CAMSAP2: variants seen among roughly 807,000 people sequenced by gnomAD.
CAMSAP2 encodes the protein calmodulin regulated spectrin associated protein family member 2, also known as calmodulin-regulated spectrin-associated protein 2.
Under a neutral mutation model 146.1 loss-of-function variants are expected in CAMSAP2, and 26 were observed. The observed-to-expected ratio is 0.18, with a 90% CI of 0.13 to 0.25. The LOEUF (loss-of-function observed/expected upper bound fraction) is 0.25. Among genes scored for constraint, CAMSAP2 ranks in the 10% least tolerant of loss-of-function variants. The pLI is 1.00. For missense variants in CAMSAP2, 1,381 were observed against 1,759.3 expected (o/e 0.78, Z 3.85); for synonymous variants, 499 against 596.6 (o/e 0.84, Z 2.38).
At chr1:200,759,631 A>G (rs534200644) in intron 1 of CAMSAP2, among the ~76,000 whole-genome samples, 8 of 152,192 alleles carry the variant, frequency 5.3e-5, no homozygotes, top group Non-Finnish European at 1.0e-4. Flanking sequence ...TTGAGCTTAT[A>G]TTAAAGCTGC....
intron 8 of CAMSAP2, 46 bp downstream of exon 8, chr1:200,844,915 C>G (rs778768347): frequency 9.9e-7 from 1 of 1,006,438 alleles, no homozygotes; most frequent in Non-Finnish European, 1.5e-6. Flanking sequence ...ATTCTATTTA[C>G]TAATTAAATT....
At chr1:200,835,940 A>G (rs1279306372) in intron 6 of CAMSAP2, among the ~76,000 whole-genome samples, 13 of 152,202 alleles carry the variant, frequency 8.5e-5, no homozygotes, top group Non-Finnish European at 1.5e-5. Flanking sequence ...TGATGTTTAT[A>G]TCAACTTTGT....
intron 11 of CAMSAP2, among the ~76,000 whole-genome samples, chr1:200,850,642 A>G (rs148519773): frequency 9.8e-5 from 15 of 152,312 alleles, no homozygotes; most frequent in Non-Finnish European, 1.8e-4. Context: ...TGTTCCTTGC[A>G]GAGGAAGGGA....
At chr1:200,847,765 A>T (rs1558207372) in intron 10 of CAMSAP2, 56 bp downstream of exon 10, 1 of 1,393,672 alleles carries the variant, frequency 7.2e-7, no homozygotes, top group East Asian at 2.3e-5. Context: ...TGCAAATTGC[A>T]TCTGTGTCTC....
In CAMSAP2 at chr1:200,858,237, CAATT is replaced by C. The variant is rs1558214373; in HGVS notation, c.*181_*184del. ...AGTATTTTGGAGTGCAGAACATTCT[CAATT>C]AAGTGATAAGTCCAAATGATGAAGG... On this transcript the variant is annotated 3_prime_UTR_variant, in exon 17 of 17. Transcript: ENST00000358823. 2.0e-6 allele frequency: 1 copy of C among 505,744 alleles called. No homozygotes were observed. Among genetic ancestry groups the C allele is most frequent in the Non-Finnish European group, 3.4e-6 (1 of 291,870 alleles). 31.3% of individuals were successfully genotyped at this position (505,744 alleles called of 1,614,324 possible).
intron 4 of CAMSAP2, among the ~76,000 whole-genome samples, chr1:200,828,263 AATATGACAT>A (rs1666953218): frequency 1.3e-5 from 2 of 152,172 alleles, no homozygotes; most frequent in South Asian, 4.1e-4. Flanking sequence ...TTTATTTTTT[AATATGACAT>A]ATGATTCCAA....
At chr1:200,766,155 T>C (rs1271313184) in intron 2 of CAMSAP2, among the ~76,000 whole-genome samples, 1 of 151,776 alleles carries the variant, frequency 6.6e-6, no homozygotes, top group African/African-American at 2.4e-5. Context: ...TTTTTTTTTT[T>C]TTTCCTGAGA....
intron 2 of CAMSAP2, among the ~76,000 whole-genome samples, chr1:200,763,075 C>G (rs1664844661): frequency 6.6e-6 from 1 of 151,940 alleles, no homozygotes; most frequent in South Asian, 2.1e-4. Context: ...AATTTTTGTA[C>G]TTTTAGTAGA....
At chr1:200,812,966 A>G (rs1445526059) in intron 3 of CAMSAP2, among the ~76,000 whole-genome samples, 1 of 152,144 alleles carries the variant, frequency 6.6e-6, no homozygotes, top group Non-Finnish European at 1.5e-5. Context: ...TACTTTTCCC[A>G]TAGCCAGCTT....
intron 1 of CAMSAP2, among the ~76,000 whole-genome samples, chr1:200,744,118 G>A (rs4915456): frequency 0.3 from 45,930 of 152,054 alleles, 7,616 homozygotes; most frequent in Middle Eastern, 0.4. Flanking sequence ...AGTGTCCGGG[G>A]ACTTAGGAAC....
At chr1:200,753,130 A>G (rs1339431702) in intron 1 of CAMSAP2, among the ~76,000 whole-genome samples, 3 of 151,786 alleles carry the variant, frequency 2.0e-5, no homozygotes, top group African/African-American at 7.3e-5. Flanking sequence ...ACCCATCTCT[A>G]CTAAGTGGTG....
intron 2 of CAMSAP2, among the ~76,000 whole-genome samples, chr1:200,782,712 G>A (rs1665471006): frequency 6.9e-6 from 1 of 144,856 alleles, no homozygotes; most frequent in African/African-American, 2.6e-5. Flanking sequence ...CTTTGATGCT[G>A]TTTCCAGTTT....
intron 4 of CAMSAP2, among the ~76,000 whole-genome samples, chr1:200,819,713 C>T (rs1316482942): frequency 2.6e-5 from 4 of 151,770 alleles, no homozygotes; most frequent in African/African-American, 4.8e-5. Flanking sequence ...TTTCCCTTCT[C>T]GATATGTTAG....
In CAMSAP2 at chr1:200,858,026, A is replaced by C. The variant is rs1667789924; in HGVS notation, c.4404A>C (p.Val1468=). ...HSHLWQTKRP[V]TPKKLLPTKA is the part of the protein sequence containing the mutation. Reference sequence around the variant, plus strand: ...ATTTATGGCAGACCAAAAGACCAGTAACACCCAAAAAACTTTTACCCACTA... The same window carrying C: ...ATTTATGGCAGACCAAAAGACCAGTCACACCCAAAAAACTTTTACCCACTA... Residue 1468 remains valine, a synonymous_variant, in exon 17 of 17, where the codon GTA becomes GTC. Transcript: ENST00000358823. 6.3e-7 allele frequency: 1 copy of C among 1,599,636 alleles called. No individual in the cohort carries two copies. Among genetic ancestry groups the C allele is most frequent in the Non-Finnish European group, 8.5e-7 (1 of 1,174,900 alleles).
intron 4 of CAMSAP2, among the ~76,000 whole-genome samples, chr1:200,826,299 G>A (rs1666905034): frequency 6.6e-6 from 1 of 152,022 alleles, no homozygotes; most frequent in South Asian, 2.1e-4. Context: ...AAGCATGGTG[G>A]TGCATGCCTG....
chr1:200,777,413 A>C (rs2103018516), intron 2 of CAMSAP2, among the ~76,000 whole-genome samples: 1 of 152,330 alleles, frequency 6.6e-6, no homozygotes, highest in African/African-American at 2.4e-5. Flanking sequence ...GCATGGTAGA[A>C]CATCTTGTGA....
At chr1:200,815,373 A>G (rs1004831684) in intron 3 of CAMSAP2, among the ~76,000 whole-genome samples, 188 bp from the exon 4 acceptor site, 8 of 152,212 alleles carry the variant, frequency 5.3e-5, no homozygotes, top group Admixed American at 1.3e-4. Flanking sequence ...ATTCTAGAAT[A>G]TCAAATAAGT....
chr1:200,806,770 TATC>T (rs1666186618), intron 2 of CAMSAP2, among the ~76,000 whole-genome samples: 5 of 25,930 alleles, frequency 1.9e-4, no homozygotes, highest in Non-Finnish European at 8.5e-4. Flanking sequence ...TGTGTGTATC[TATC>T]TATCTATCTA....
intron 2 of CAMSAP2, among the ~76,000 whole-genome samples, chr1:200,773,930 AATAAAATAAAATAAAAT>A (rs1665191924): frequency 6.7e-6 from 1 of 150,120 alleles, no homozygotes; most frequent in African/African-American, 2.5e-5. Flanking sequence ...AATAAAATAA[AATAAAATAAAATAAAAT>A]AAAATAAATT....
Sources: allele counts gnomAD v4.1 joint callset (sites outside exome capture counted in the v4.1 genomes callset), GRCh38; gene constraint gnomAD v4.1.1; transcripts MANE v1.5; gene names NCBI Gene and HGNC (gene_info 2026-07-23, HGNC 2026-07-21).